Variants in ROBO2 observed in about 807,000 individuals in gnomAD.
ROBO2 encodes the protein roundabout homolog 2.
In ROBO2, 53 loss-of-function variants were observed where a neutral mutation model predicts 160.8. The observed-to-expected ratio is 0.33, with a 90% confidence interval of 0.26 to 0.41. The LOEUF is 0.41. Among genes scored for constraint, ROBO2 ranks in the 10% least tolerant of loss-of-function variants. The probability of loss-of-function intolerance (pLI) is 1.00; values close to 1 mark genes in which losing one functional copy is unlikely to be tolerated. For synonymous variants in ROBO2, 664 were observed against 611.7 expected, an observed-to-expected ratio of 1.09 and a Z score of -1.26; for missense variants, 1,577 against 1,722.4, an observed-to-expected ratio of 0.92 and a Z score of 1.49.
chr3:77,352,036 A>G (rs1044473118), intron 2 of ROBO2, among the ~76,000 whole-genome samples: 7 of 151,428 alleles, frequency 4.6e-5, no homozygotes, highest in African/African-American at 1.7e-4. Flanking sequence ...AACATGGAAC[A>G]TGCATACATA....
At chr3:77,217,786 A>G (rs950247211) in intron 2 of ROBO2, among the ~76,000 whole-genome samples, 1 of 152,188 alleles carries the variant, frequency 6.6e-6, no homozygotes, top group Admixed American at 6.5e-5. Flanking sequence ...GATTAATTCT[A>G]TTTTATTAAA....
chr3:76,023,356 T>C (rs2066632011), intron 2 of ROBO2, among the ~76,000 whole-genome samples: 1 of 151,736 alleles, frequency 6.6e-6, no homozygotes, highest in South Asian at 2.1e-4. Context: ...GCCTTCTTCA[T>C]TAAGTTTAAT....
intron 2 of ROBO2, among the ~76,000 whole-genome samples, chr3:76,727,320 TAGAA>T (rs1159470546): frequency 6.6e-6 from 1 of 151,938 alleles, no homozygotes; most frequent in African/African-American, 2.4e-5. Flanking sequence ...ATGAAGAAAA[TAGAA>T]AGGAAGACAG....
intron 2 of ROBO2, among the ~76,000 whole-genome samples, chr3:77,396,390 C>T (rs976598502): frequency 6.6e-6 from 1 of 152,058 alleles, no homozygotes; most frequent in African/African-American, 2.4e-5. Flanking sequence ...TAAAAGCATT[C>T]TAATCACCTT....
intron 2 of ROBO2, among the ~76,000 whole-genome samples, chr3:76,172,437 A>T (rs1344373192): frequency 8.9e-5 from 2 of 22,456 alleles, no homozygotes; most frequent in East Asian, 1.7e-3. Context: ...TATAATAATT[A>T]AAAAAAAAAA....
At chr3:77,120,855 T>C (rs2074684359) in intron 2 of ROBO2, among the ~76,000 whole-genome samples, 2 of 152,238 alleles carry the variant, frequency 1.3e-5, no homozygotes, top group Non-Finnish European at 2.9e-5. Flanking sequence ...CAGCTTTGTT[T>C]ACCATACTCC....
At chr3:76,051,322 A>G (rs1375937923) in intron 2 of ROBO2, among the ~76,000 whole-genome samples, 3 of 152,182 alleles carry the variant, frequency 2.0e-5, no homozygotes, top group African/African-American at 7.2e-5. Context: ...ACCTTATCTT[A>G]CACATCTCAA....
chr3:76,181,385 G>T (rs1701494033), intron 2 of ROBO2, among the ~76,000 whole-genome samples: 1 of 132,882 alleles, frequency 7.5e-6, no homozygotes, highest in South Asian at 2.5e-4. Context: ...ACAATTAAAA[G>T]AAAGGAAATT....
intron 2 of ROBO2, among the ~76,000 whole-genome samples, chr3:76,260,624 C>G (rs1706683244): frequency 6.6e-6 from 1 of 151,896 alleles, no homozygotes; most frequent in Admixed American, 6.6e-5. Flanking sequence ...ATATATGTTT[C>G]TTAAAGATAA....
intron 2 of ROBO2, among the ~76,000 whole-genome samples, chr3:76,513,788 C>A (rs942241768): frequency 1.9e-4 from 29 of 152,248 alleles, no homozygotes; most frequent in African/African-American, 7.0e-4. Context: ...CTATCCCAAT[C>A]TTATTTCATT....
intron 2 of ROBO2, among the ~76,000 whole-genome samples, chr3:75,982,954 A>G (rs935735201): frequency 1.3e-5 from 2 of 151,500 alleles, no homozygotes; most frequent in African/African-American, 2.4e-5. Context: ...ATGTTTTCCA[A>G]TTTTAAATCA....
At chr3:77,611,405 C>G (rs1049647866) in intron 21 of ROBO2, among the ~76,000 whole-genome samples, 2 of 151,708 alleles carry the variant, frequency 1.3e-5, no homozygotes, top group African/African-American at 2.4e-5. Flanking sequence ...TGTTTGAGTA[C>G]AGATGATGGA....
At chr3:76,677,103 G>C (rs568835197) in intron 2 of ROBO2, among the ~76,000 whole-genome samples, 2 of 152,038 alleles carry the variant, frequency 1.3e-5, no homozygotes, top group East Asian at 3.9e-4. Context: ...TCTTTCTAGG[G>C]TTTATCTTTC....
chr3:76,235,613 A>G (rs1035352305), intron 2 of ROBO2, among the ~76,000 whole-genome samples: 3 of 152,196 alleles, frequency 2.0e-5, no homozygotes, highest in Non-Finnish European at 4.4e-5. Flanking sequence ...ACTTAAAGAG[A>G]CATAAAAATT....
intron 2 of ROBO2, among the ~76,000 whole-genome samples, chr3:77,011,521 C>G (rs564784844): frequency 5.7e-4 from 86 of 151,944 alleles, no homozygotes; most frequent in African/African-American, 2.0e-3. Flanking sequence ...TTGACTTTGG[C>G]CAATGTTAAG....
intron 2 of ROBO2, among the ~76,000 whole-genome samples, chr3:76,985,506 C>A (rs2149346570): frequency 7.2e-6 from 1 of 139,150 alleles, no homozygotes; most frequent in East Asian, 2.1e-4. Flanking sequence ...GGTGGGAACC[C>A]AGGAGGCGGA....
intron 2 of ROBO2, among the ~76,000 whole-genome samples, chr3:76,110,463 G>A (rs989498826): frequency 1.3e-5 from 2 of 152,098 alleles, no homozygotes; most frequent in African/African-American, 4.8e-5. Context: ...GCACATATTT[G>A]TTGAGCTGAC....
chr3:77,488,313 C>T (rs961959893), intron 4 of ROBO2, among the ~76,000 whole-genome samples: 9 of 152,122 alleles, frequency 5.9e-5, no homozygotes, highest in Non-Finnish European at 1.3e-4. Flanking sequence ...AAGACATTGC[C>T]TCTGATCACT....
At chr3:76,223,398 G>A (rs892135076) in intron 2 of ROBO2, among the ~76,000 whole-genome samples, 3 of 151,854 alleles carry the variant, frequency 2.0e-5, no homozygotes, top group Non-Finnish European at 2.9e-5. Flanking sequence ...GGGGGGTAGG[G>A]AGGCCACTTT....
Sources: allele counts gnomAD v4.1 joint callset (sites outside exome capture counted in the v4.1 genomes callset), GRCh38; gene constraint gnomAD v4.1.1; transcripts MANE v1.5; gene names NCBI Gene and HGNC (gene_info 2026-07-23, HGNC 2026-07-21).